NSD3: variants seen among roughly 807,000 people sequenced by gnomAD.
The protein encoded by NSD3 is nuclear receptor binding SET domain protein 3.
NSD3 carries 24 observed loss-of-function variants against 160.8 expected under a neutral mutation model. The ratio of observed to expected loss-of-function variants is 0.15; its 90% CI spans 0.11 to 0.21. NSD3 has a LOEUF of 0.21. Among genes scored for constraint, NSD3 ranks in the 10% least tolerant of loss-of-function variants. The probability of loss-of-function intolerance (pLI) is 1.00; values close to 1 mark genes in which losing one functional copy is unlikely to be tolerated. For synonymous variants in NSD3, 520 were observed against 600.0 expected (o/e 0.87, Z 1.95); for missense variants, 1,157 against 1,735.9 (o/e 0.67, Z 5.93).
chr8:38,350,876 G>A (rs1294225817), intron 1 of NSD3, among the ~76,000 whole-genome samples: 1 of 151,926 alleles, frequency 6.6e-6, no homozygotes, highest in Non-Finnish European at 1.5e-5. Flanking sequence ...ACCCTGCCTT[G>A]TCATAAGGTT....
At chr8:38,377,195 G>A (rs1811414322) in intron 1 of NSD3, among the ~76,000 whole-genome samples, 1 of 152,244 alleles carries the variant, frequency 6.6e-6, no homozygotes, top group East Asian at 1.9e-4. Context: ...CGGGATTACA[G>A]GCACGCACCA....
In NSD3 at chr8:38,270,999, G is replaced by GT. The variant is rs1176391020; in HGVS notation, c.*4641dup. The GT allele has an allele frequency of 1.3e-5, 2 of 152,052 alleles. No homozygotes were observed. The highest frequency in any genetic ancestry group is 2.9e-5 in the Non-Finnish European group (2 of 67,980). The allele number at this position is 152,052 out of a possible 1,614,324, so 9.4% of individuals were successfully genotyped here. A position where few individuals can be genotyped will look rare whatever the true frequency, so the allele number is the denominator to read the frequency against. On this transcript the variant is annotated 3_prime_UTR_variant, in exon 24 of 24. Coordinates refer to ENST00000317025, the MANE Select transcript of NSD3 (RefSeq NM_023034.2). ...TAACGTAAGTGCAATTTTTTGTTTT[G>GT]TTTTTTTCCCTACATAGACATAGTA...
rs1810002989 is a variant in NSD3, at chr8:38,329,610, T to C, written c.1349A>G (p.His450Arg). The C allele has an allele frequency of 1.9e-6, 3 of 1,614,134 alleles. No individual in the cohort carries two copies. Among genetic ancestry groups the C allele is most frequent in the Non-Finnish European group, 8.5e-7 (1 of 1,180,048 alleles). Residue 450 changes from histidine (H) to arginine (R), a missense_variant, in exon 6 of 24, where the codon CAT becomes CGT. His to Arg is a conservative substitution (Grantham distance 29). Transcript: ENST00000317025. This position sits in a 1 kb window ranked among gnomAD's most constrained non-coding sequence, Gnocchi z 4.8. ...SSLSSTEIRRHSQRRHTSAEE... is the reference protein window; with the variant it reads ...SSLSSTEIRRRSQRRHTSAEE... ...CGCACTTGTGTGCCGCCTCTGGCTA[T>C]GTCTCCGAATTTCAGTACTTGAGAG...
chr8:38,333,927 C>T (rs183185798), intron 4 of NSD3, among the ~76,000 whole-genome samples: 2 of 152,206 alleles, frequency 1.3e-5, no homozygotes, highest in East Asian at 3.9e-4. Flanking sequence ...CCAGTGATTA[C>T]TATATATGAT....
intron 1 of NSD3, among the ~76,000 whole-genome samples, chr8:38,357,290 T>C (rs1219116183): frequency 6.6e-6 from 1 of 152,132 alleles, no homozygotes; most frequent in Non-Finnish European, 1.5e-5. Flanking sequence ...CACAACACTC[T>C]ATTGATTAAA....
intron 5 of NSD3, 21 bp downstream of exon 5, chr8:38,331,410 T>C (rs1810058682): frequency 6.4e-7 from 1 of 1,560,598 alleles, no homozygotes; most frequent in Non-Finnish European, 8.7e-7. Flanking sequence ...ACTAGGTAAA[T>C]AATATTAACA....
chr8:38,301,506 G>A (rs191973937), intron 14 of NSD3, among the ~76,000 whole-genome samples: 39 of 152,268 alleles, frequency 2.6e-4, no homozygotes, highest in African/African-American at 9.4e-4. Context: ...CTTGAACCCA[G>A]AAGGCAGAGG....
At chr8:38,300,754 A>C (rs1489881478) in intron 14 of NSD3, among the ~76,000 whole-genome samples, 1 of 152,156 alleles carries the variant, frequency 6.6e-6, no homozygotes, top group Non-Finnish European at 1.5e-5. Context: ...TCTATCCTCT[A>C]TCTTGGTTAC....
Position 38,381,746 on chromosome 8 carries a change from G to GCACA in NSD3, c.-45+49_-45+52dup, listed in dbSNP as rs58263746. On this transcript the variant is annotated intron_variant, in intron 1 of 23. Transcript: ENST00000317025. Reference sequence around the variant, plus strand: ...CCTAGCACTACACACGCGCGCGCGCGCACACACACACACACACACACACAC... The same window carrying GCACA: ...CCTAGCACTACACACGCGCGCGCGCGCACACACACACACACACACACACACACAC... 1.9e-3 allele frequency: 272 copies of GCACA among 144,922 alleles called. 1 individual carries two copies. The highest frequency in any genetic ancestry group is 3.8e-3 in the African/African-American group (146 of 37,978). The allele number at this position is 144,922 out of a possible 1,614,324, so 9.0% of individuals were successfully genotyped here.
At chr8:38,362,979 T>C (rs900779178) in intron 1 of NSD3, among the ~76,000 whole-genome samples, 2 of 152,206 alleles carry the variant, frequency 1.3e-5, no homozygotes, top group Non-Finnish European at 2.9e-5. Context: ...TTAGGTGTCT[T>C]TGAGTAACTT....
intron 2 of NSD3, among the ~76,000 whole-genome samples, chr8:38,342,229 G>A (rs1294908166): frequency 1.3e-5 from 2 of 152,094 alleles, no homozygotes; most frequent in African/African-American, 4.8e-5. Flanking sequence ...AATAGAGAGG[G>A]AGTATCTATT....
At position 38,370,743 on chromosome 8, in the gene NSD3, G is replaced by A. The variant is rs540889786; in HGVS notation, c.-45+11056C>T. Among the ~76,000 whole-genome samples, 58 of 152,092 alleles carry A rather than the reference G, an allele frequency of 3.8e-4. 2 individuals carry two copies. In the South Asian group the frequency reaches 0.011, roughly 29 times the overall value. On this transcript the variant is annotated intron_variant, in intron 1 of 23. Coordinates refer to ENST00000317025, the MANE Select transcript of NSD3 (RefSeq NM_023034.2). ...ATTGTGGTGATGGTTATATAACCCC[G>A]TCAACATACTAAAAGCCACTGCATT...
At chr8:38,284,118 C>A (rs1405904411) in intron 19 of NSD3, among the ~76,000 whole-genome samples, 1 of 152,116 alleles carries the variant, frequency 6.6e-6, no homozygotes, top group African/African-American at 2.4e-5. Flanking sequence ...AAAAAACAAA[C>A]CAAAATTCAT....
chr8:38,306,259 G>T (rs1809390477), intron 12 of NSD3, among the ~76,000 whole-genome samples: 1 of 151,862 alleles, frequency 6.6e-6, no homozygotes, highest in African/African-American at 2.4e-5. Context: ...ATAGTAAAAG[G>T]ATATCACTAT....
intron 4 of NSD3, among the ~76,000 whole-genome samples, chr8:38,335,674 A>G (rs1002367352): frequency 6.6e-6 from 1 of 152,224 alleles, no homozygotes; most frequent in Admixed American, 6.5e-5. Context: ...TGAAGGAACT[A>G]TAATAAGACT....
chr8:38,340,486 C>A (rs369125124), intron 2 of NSD3, among the ~76,000 whole-genome samples: 1 of 152,052 alleles, frequency 6.6e-6, no homozygotes, highest in African/African-American at 2.4e-5. Flanking sequence ...TACAGGCCCG[C>A]ACCACCACAC....
chr8:38,332,743 T>A (rs1016383659), intron 4 of NSD3, among the ~76,000 whole-genome samples: 1 of 152,042 alleles, frequency 6.6e-6, no homozygotes, highest in Non-Finnish European at 1.5e-5. Flanking sequence ...CTTTTTTTTT[T>A]AAATAATTAA....
rs565493150 is a variant in NSD3, at chr8:38,292,583, C to T, written c.2916-1906G>A. 4.0e-5 allele frequency among the ~76,000 whole-genome samples: 6 copies of T among 151,858 alleles called. No homozygotes were observed. The East Asian group carries it at 7.8e-4, about 20-fold the overall frequency. On this transcript the variant is annotated intron_variant, in intron 16 of 23. Transcript: ENST00000317025. ...GTATCACGAGGTCAGGAGATCGAGA[C>T]CATCCTGGCCAACATGGTGAAACCC...
At position 38,288,709 on chromosome 8, in the gene NSD3, T is replaced by G. The variant is rs1442607144; in HGVS notation, c.3279A>C (p.Ser1093=). The G allele has an allele frequency of 6.2e-7, 1 of 1,614,218 alleles. No individual in the cohort carries two copies. The highest frequency in any genetic ancestry group is 1.7e-5 in the Admixed American group (1 of 60,024). ...GKVQIQVADL[S]EIPRCNCKPA... ...GCTTGCAGTTACAGCGGGGAATCTC[T>G]GACAGGTCAGCAACCTGGATCTGCA... The change falls in exon 19 of 24, where the codon TCA becomes TCC. Residue 1093 remains serine (S), a synonymous_variant. Coordinates refer to ENST00000317025, the MANE Select transcript of NSD3 (RefSeq NM_023034.2). The surrounding 1 kb of genome is among the most constrained non-coding windows in gnomAD (Gnocchi z 4.5).
Sources: gnomAD v4.1 joint callset for allele counts (sites outside exome capture counted in the v4.1 genomes callset) on GRCh38, gnomAD v4.1.1 for gene constraint, Gnocchi (gnomAD v3.1) non-coding constraint, MANE v1.5 for transcripts, NCBI Gene and HGNC (gene_info 2026-07-23, HGNC 2026-07-21) for gene names.